Variants in EEF1AKMT1 observed in about 807,000 individuals in gnomAD.
EEF1AKMT1 encodes the protein N-6 adenine-specific DNA methyltransferase 2 (putative).
A neutral mutation model predicts 21.0 loss-of-function variants in EEF1AKMT1; 18 were observed. The ratio of observed to expected loss-of-function variants is 0.86; its 90% CI spans 0.59 to 1.27. The LOEUF (loss-of-function observed/expected upper bound fraction) is 1.27, where lower values mean the gene tolerates loss of function less well. EEF1AKMT1 is among the 50% of genes most tolerant of loss of function. EEF1AKMT1 has a pLI of 0.00. For synonymous variants in EEF1AKMT1, 109 were observed against 94.8 expected (o/e 1.15, Z -0.87); for missense variants, 246 against 258.6 (o/e 0.95, Z 0.33).
At chr13:20,746,430 C>A (rs9506547) in intron 2 of EEF1AKMT1, among the ~76,000 whole-genome samples, 56,919 of 152,144 alleles carry the variant, frequency 0.37, 12,611 homozygotes, top group Non-Finnish European at 0.5. Flanking sequence ...GGATTAGAGG[C>A]ATGAGGCACC....
At chr13:20,752,589 T>C (rs977567528) in intron 2 of EEF1AKMT1, among the ~76,000 whole-genome samples, 1 of 152,134 alleles carries the variant, frequency 6.6e-6, no homozygotes, top group Non-Finnish European at 1.5e-5. Flanking sequence ...TCATCTGGGA[T>C]ACTGGCCTGT....
chr13:20,763,997 G>T (rs1423047761), intron 1 of EEF1AKMT1, among the ~76,000 whole-genome samples: 1 of 151,902 alleles, frequency 6.6e-6, no homozygotes, highest in Admixed American at 6.6e-5. Context: ...AGTAATTTCT[G>T]TTTTCTCTTT....
At chr13:20,766,777 A>C (rs2059035674) in intron 1 of EEF1AKMT1, among the ~76,000 whole-genome samples, 1 of 151,554 alleles carries the variant, frequency 6.6e-6, no homozygotes, top group South Asian at 2.1e-4. Flanking sequence ...AGCCAAGATC[A>C]CACCACTGCA....
At chr13:20,759,884 C>T (rs951113007) in intron 1 of EEF1AKMT1, among the ~76,000 whole-genome samples, 1 of 152,092 alleles carries the variant, frequency 6.6e-6, no homozygotes, top group African/African-American at 2.4e-5. Flanking sequence ...GCCAGTGGAT[C>T]ACGAGGTCAG....
intron 1 of EEF1AKMT1, among the ~76,000 whole-genome samples, chr13:20,760,867 T>C (rs2058998088): frequency 6.6e-6 from 1 of 152,180 alleles, no homozygotes; most frequent in African/African-American, 2.4e-5. Context: ...ATCTGATAAT[T>C]TGGACATAAA....
chr13:20,762,913 C>T (rs575320367), intron 1 of EEF1AKMT1, among the ~76,000 whole-genome samples: 16 of 152,266 alleles, frequency 1.1e-4, no homozygotes, highest in South Asian at 2.1e-4. Flanking sequence ...TTTTTGATAT[C>T]AACTTATACG....
rs762298992 is a variant in EEF1AKMT1, at chr13:20,757,442, T to C, written c.144+13A>G. 7 of 1,613,670 alleles carry C rather than the reference T, an allele frequency of 4.3e-6. No homozygotes were observed. The highest frequency in any genetic ancestry group is 5.1e-6 in the Non-Finnish European group (6 of 1,179,644). On this transcript the variant is annotated intron_variant, in intron 2 of 4. Transcript: ENST00000382758. ...TCAATACTTCCTGATGGCTGTGAAA[T>C]GCATTTACTTACCCAATTCTCTTCT...
In EEF1AKMT1 at chr13:20,738,859, T is replaced by C. The variant is rs111227122; in HGVS notation, c.145-1054A>G. Among the ~76,000 whole-genome samples, 1,413 of 152,268 alleles carry C rather than the reference T, an allele frequency of 9.3e-3. 27 individuals carry two copies. The highest frequency in any genetic ancestry group is 0.032 in the African/African-American group (1,309 of 41,518). Reference sequence around the variant, plus strand: ...TAGGAGGTGACAGCTGAAAAACATATGGTTTCTTTTAGACGCAACGAAAAT... The same window carrying C: ...TAGGAGGTGACAGCTGAAAAACATACGGTTTCTTTTAGACGCAACGAAAAT... On this transcript the variant is annotated intron_variant, in intron 2 of 4. Coordinates refer to ENST00000382758, the MANE Select transcript of EEF1AKMT1 (RefSeq NM_001318939.2).
At chr13:20,762,496 C>T (rs777624401) in intron 1 of EEF1AKMT1, among the ~76,000 whole-genome samples, 1 of 151,610 alleles carries the variant, frequency 6.6e-6, no homozygotes, top group Non-Finnish European at 1.5e-5. Context: ...GCCAGGACTT[C>T]TAGTGAGCTG....
chr13:20,759,968 G>C (rs1346710449), intron 1 of EEF1AKMT1, among the ~76,000 whole-genome samples: 1 of 151,934 alleles, frequency 6.6e-6, no homozygotes, highest in African/African-American at 2.4e-5. Flanking sequence ...AGCCGGGTGT[G>C]GTGGCGGGCA....
At chr13:20,739,053 C>T (rs1317077033) in intron 2 of EEF1AKMT1, among the ~76,000 whole-genome samples, 6 of 152,086 alleles carry the variant, frequency 3.9e-5, no homozygotes, top group Non-Finnish European at 5.9e-5. Flanking sequence ...AAAGTTTCTT[C>T]CTCCTGGGGG....
intron 1 of EEF1AKMT1, among the ~76,000 whole-genome samples, chr13:20,767,704 A>T (rs1282183802): frequency 6.6e-6 from 1 of 152,124 alleles, no homozygotes; most frequent in African/African-American, 2.4e-5. Flanking sequence ...TTAAATTTGG[A>T]AAAACTCTGA....
intron 2 of EEF1AKMT1, among the ~76,000 whole-genome samples, chr13:20,751,656 C>T (rs1366912181): frequency 7.5e-6 from 1 of 132,498 alleles, no homozygotes; most frequent in African/African-American, 2.6e-5. Flanking sequence ...TTTTGGGTTC[C>T]ACAGGAATTT....
intron 3 of EEF1AKMT1, among the ~76,000 whole-genome samples, chr13:20,732,393 G>A (rs2058802936): frequency 6.6e-6 from 1 of 152,066 alleles, no homozygotes; most frequent in South Asian, 2.1e-4. Flanking sequence ...GGGAAGTGGC[G>A]TGATCTCGGC....
At chr13:20,738,939 TCTCA>T (rs2058847370) in intron 2 of EEF1AKMT1, among the ~76,000 whole-genome samples, 1 of 152,212 alleles carries the variant, frequency 6.6e-6, no homozygotes, top group South Asian at 2.1e-4. Flanking sequence ...GGGTTCTTGG[TCTCA>T]CTGACTTCAA....
chr13:20,759,116 G>T (rs1159605666), intron 1 of EEF1AKMT1, among the ~76,000 whole-genome samples: 1 of 152,142 alleles, frequency 6.6e-6, no homozygotes, highest in African/African-American at 2.4e-5. Context: ...CTTAGGCAAA[G>T]AATTTATGAC....
chr13:20,772,550 C>CA (rs1367769988), intron 1 of EEF1AKMT1, among the ~76,000 whole-genome samples: 1 of 152,134 alleles, frequency 6.6e-6, no homozygotes, highest in Non-Finnish European at 1.5e-5. Context: ...GTTAGGCAGA[C>CA]ACATGGCGAA....
intron 1 of EEF1AKMT1, among the ~76,000 whole-genome samples, chr13:20,761,268 C>A (rs1442599078): frequency 6.6e-6 from 1 of 152,176 alleles, no homozygotes; most frequent in African/African-American, 2.4e-5. Context: ...CCATTCTTAA[C>A]CCCTGGAAAG....
chr13:20,764,338 G>A (rs1032582177), intron 1 of EEF1AKMT1, among the ~76,000 whole-genome samples: 2 of 151,784 alleles, frequency 1.3e-5, no homozygotes, highest in South Asian at 4.1e-4. Context: ...ATTTCCAAGT[G>A]TTTGGAGATT....
Sources: allele counts gnomAD v4.1 joint callset (sites outside exome capture counted in the v4.1 genomes callset), GRCh38; gene constraint gnomAD v4.1.1; transcripts MANE v1.5; gene names NCBI Gene and HGNC (gene_info 2026-07-23, HGNC 2026-07-21).